ELMO1: variants seen among roughly 807,000 people sequenced by gnomAD.
ELMO1 encodes the protein engulfment and cell motility 1.
A neutral mutation model predicts 98.9 loss-of-function variants in ELMO1; 26 were observed. The observed-to-expected ratio is 0.26, with a 90% confidence interval of 0.19 to 0.36. The LOEUF is 0.36. Among genes scored for constraint, ELMO1 ranks in the 10% least tolerant of loss-of-function variants. The pLI, the probability that ELMO1 is intolerant of heterozygous loss-of-function variation, is 1.00. For missense variants in ELMO1, 627 were observed against 935.2 expected (o/e 0.67, Z 4.30); for synonymous variants, 346 against 346.0 (o/e 1.00, Z 0.00).
chr7:36,936,986 A>T (rs1409428288), intron 16 of ELMO1, among the ~76,000 whole-genome samples: 1 of 152,110 alleles, frequency 6.6e-6, no homozygotes, highest in Non-Finnish European at 1.5e-5. Flanking sequence ...CCAGGGATCT[A>T]CTTCAGTTTT....
At chr7:37,131,075 A>T (rs1786888820) in intron 14 of ELMO1, among the ~76,000 whole-genome samples, 1 of 152,050 alleles carries the variant, frequency 6.6e-6, no homozygotes, top group South Asian at 2.1e-4. Flanking sequence ...TATCATGGAG[A>T]TATCTATTGT....
In ELMO1 at chr7:37,045,337, C is replaced by T. The variant is rs551233680; in HGVS notation, c.1301-31902G>A. ...GCAGGGGACATGGGAACTCAGTGTG[C>T]TCTCTTTGTGTTTTTCTTGAACTGG... On this transcript the variant is annotated intron_variant, in intron 15 of 21. Coordinates refer to ENST00000310758, the MANE Select transcript of ELMO1 (RefSeq NM_014800.11). Among the ~76,000 whole-genome samples the T allele has an allele frequency of 3.2e-4, 48 of 152,280 alleles. 1 individual carries two copies. Among genetic ancestry groups the T allele is most frequent in the African/African-American group, 1.1e-3 (47 of 41,544 alleles).
At chr7:37,441,687 G>A (rs1449303234) in intron 1 of ELMO1, among the ~76,000 whole-genome samples, 1 of 152,108 alleles carries the variant, frequency 6.6e-6, no homozygotes, top group African/African-American at 2.4e-5. Context: ...AGTAACCAGT[G>A]GTCAGAATTC....
chr7:37,094,338 G>A (rs898309779), intron 15 of ELMO1, among the ~76,000 whole-genome samples: 1 of 152,144 alleles, frequency 6.6e-6, no homozygotes, highest in African/African-American at 2.4e-5. Flanking sequence ...AGGGACCTGC[G>A]AGGTGTTTGC....
At chr7:37,028,396 A>AT (rs1302481678) in intron 15 of ELMO1, among the ~76,000 whole-genome samples, 1 of 152,178 alleles carries the variant, frequency 6.6e-6, no homozygotes, top group African/African-American at 2.4e-5. Context: ...GCCAACTATC[A>AT]TAATTTTTTG....
chr7:36,854,116 TCA>T lies in ELMO1; in HGVS notation c.*1433_*1434del, dbSNP rs10562692. ...TTTTCATACAGTGGGTCTGATTTTC[TCA>T]GTGAGTCGAGATGGTCTTCTTAGAA... On this transcript the variant is annotated 3_prime_UTR_variant, in exon 22 of 22. Transcript: ENST00000310758. Among the ~76,000 whole-genome samples the T allele has an allele frequency of 0.48, 73,103 of 151,856 alleles. 17,935 individuals carry two copies. The highest frequency in any genetic ancestry group is 0.57 in the Middle Eastern group (167 of 294).
intron 13 of ELMO1, among the ~76,000 whole-genome samples, chr7:37,206,239 C>T (rs1264380988): frequency 6.6e-6 from 1 of 152,190 alleles, no homozygotes; most frequent in East Asian, 1.9e-4. Flanking sequence ...ATTTAATCTA[C>T]ACAACACACA....
At chr7:37,131,805 T>C (rs1031807893) in intron 14 of ELMO1, among the ~76,000 whole-genome samples, 5 of 152,178 alleles carry the variant, frequency 3.3e-5, no homozygotes, top group African/African-American at 1.2e-4. Context: ...TCTCTATATA[T>C]TCAGATTACA....
At chr7:37,110,464 G>A (rs969913089) in intron 14 of ELMO1, among the ~76,000 whole-genome samples, 6 of 152,084 alleles carry the variant, frequency 3.9e-5, no homozygotes, top group Non-Finnish European at 7.4e-5. Flanking sequence ...TTTTAAGTAC[G>A]TTTCTAAAAA....
chr7:36,990,470 G>A (rs1397025307), intron 16 of ELMO1, among the ~76,000 whole-genome samples: 1 of 152,144 alleles, frequency 6.6e-6, no homozygotes, highest in East Asian at 1.9e-4. Flanking sequence ...GTCCACAAAA[G>A]GAGAAGGGAA....
At chr7:37,431,601 G>A (rs1414267553) in intron 1 of ELMO1, among the ~76,000 whole-genome samples, 16 of 152,138 alleles carry the variant, frequency 1.1e-4, no homozygotes, top group African/African-American at 3.9e-4. Context: ...TAGAATGAAA[G>A]GAAGGCTGGG....
chr7:37,026,529 A>G (rs1162608809), intron 15 of ELMO1, among the ~76,000 whole-genome samples: 2 of 152,088 alleles, frequency 1.3e-5, no homozygotes, highest in African/African-American at 4.8e-5. Context: ...AAAAAATGCA[A>G]ATACCTTAGC....
intron 1 of ELMO1, among the ~76,000 whole-genome samples, chr7:37,405,196 AGACCAAAAC>A (rs1239857776): frequency 2.2e-5 from 2 of 90,776 alleles, no homozygotes; most frequent in Non-Finnish European, 4.6e-5. Context: ...TTATACTTCA[AGACCAAAAC>A]AACAACAATG....
At chr7:37,374,716 A>C (rs1802259228) in intron 1 of ELMO1, among the ~76,000 whole-genome samples, 1 of 151,852 alleles carries the variant, frequency 6.6e-6, no homozygotes, top group Non-Finnish European at 1.5e-5. Flanking sequence ...GCATCACTGC[A>C]CTCCAGCCTG....
intron 1 of ELMO1, among the ~76,000 whole-genome samples, chr7:37,388,791 A>T (rs942340954): frequency 6.6e-6 from 1 of 152,208 alleles, no homozygotes; most frequent in Admixed American, 6.5e-5. Flanking sequence ...CAATAGAGAG[A>T]GACCCTGTCT....
At chr7:37,200,110 G>T (rs1027248918) in intron 13 of ELMO1, among the ~76,000 whole-genome samples, 4 of 152,100 alleles carry the variant, frequency 2.6e-5, no homozygotes, top group Non-Finnish European at 5.9e-5. Context: ...GTTTCGCTCT[G>T]TTGCCCAGGC....
chr7:36,904,772 C>G (rs1783832945), intron 16 of ELMO1, among the ~76,000 whole-genome samples: 1 of 152,202 alleles, frequency 6.6e-6, no homozygotes, highest in African/African-American at 2.4e-5. Context: ...AAAGAGGAGA[C>G]AGAAAAGGTG....
chr7:36,858,532 A>C (rs1296336641), intron 21 of ELMO1, among the ~76,000 whole-genome samples: 1 of 152,212 alleles, frequency 6.6e-6, no homozygotes, highest in Non-Finnish European at 1.5e-5. Flanking sequence ...GATCCTGTGA[A>C]TATGTCAGGT....
intron 4 of ELMO1, among the ~76,000 whole-genome samples, chr7:37,281,977 C>T (rs1216905421): frequency 1.3e-5 from 2 of 152,280 alleles, no homozygotes; most frequent in East Asian, 3.9e-4. Context: ...CATTCACAGG[C>T]ATCTCGATAG....
Sources: allele counts gnomAD v4.1 joint callset (sites outside exome capture counted in the v4.1 genomes callset), GRCh38; gene constraint gnomAD v4.1.1; transcripts MANE v1.5; gene names NCBI Gene and HGNC (gene_info 2026-07-23, HGNC 2026-07-21).